Variants in WWOX observed in about 807,000 individuals in gnomAD.
WWOX encodes WW domain-containing oxidoreductase.
Under a neutral mutation model 46.2 loss-of-function variants are expected in WWOX, and 69 were observed. That is an observed-to-expected ratio of 1.49 (90% CI 1.23 to 1.82). WWOX has a LOEUF of 1.82. Among genes scored for constraint, WWOX ranks in the 40% most tolerant of loss-of-function variants. The pLI is 0.00. For missense variants in WWOX, 919 were observed against 542.6 expected (o/e 1.69, Z -6.89); for synonymous variants, 359 against 202.6 (o/e 1.77, Z -6.56).
At chr16:78,398,464 G>A (rs1171975790) in intron 6 of WWOX, among the ~76,000 whole-genome samples, 1 of 152,178 alleles carries the variant, frequency 6.6e-6, no homozygotes, top group African/African-American at 2.4e-5. Flanking sequence ...AAACCAAGCT[G>A]GATTCATGGA....
At chr16:78,959,941 C>T (rs530937254) in intron 8 of WWOX, among the ~76,000 whole-genome samples, 1 of 152,180 alleles carries the variant, frequency 6.6e-6, no homozygotes, top group African/African-American at 2.4e-5. Flanking sequence ...TTCTCATTTG[C>T]AACCAAGGTT....
chr16:78,696,052 C>A (rs958137381), intron 8 of WWOX, among the ~76,000 whole-genome samples: 3 of 152,112 alleles, frequency 2.0e-5, no homozygotes, highest in Non-Finnish European at 4.4e-5. Context: ...CTGTGTTAAG[C>A]TTTCTGGGTG....
chr16:78,745,038 G>A (rs1179983724), intron 8 of WWOX, among the ~76,000 whole-genome samples: 2 of 152,160 alleles, frequency 1.3e-5, no homozygotes, highest in African/African-American at 2.4e-5. Flanking sequence ...GTGTTGGCCA[G>A]TGACGCCTGC....
At chr16:78,761,461 G>A (rs530892344) in intron 8 of WWOX, among the ~76,000 whole-genome samples, 52 of 152,210 alleles carry the variant, frequency 3.4e-4, no homozygotes, top group African/African-American at 8.7e-4. Context: ...CATTGTCACC[G>A]GGGAGAAATT....
chr16:78,756,232 T>A (rs2049643163), intron 8 of WWOX, among the ~76,000 whole-genome samples: 1 of 152,166 alleles, frequency 6.6e-6, no homozygotes, highest in South Asian at 2.1e-4. Context: ...CAGCTGGCCC[T>A]GTTGCTTAAA....
intron 5 of WWOX, among the ~76,000 whole-genome samples, chr16:78,271,885 C>T (rs2079483305): frequency 6.6e-6 from 1 of 152,114 alleles, no homozygotes; most frequent in African/African-American, 2.4e-5. Flanking sequence ...AATTAGTCTG[C>T]CACACCTGTA....
chr16:79,060,147 G>A (rs967870947), intron 8 of WWOX, among the ~76,000 whole-genome samples: 1 of 152,116 alleles, frequency 6.6e-6, no homozygotes, highest in African/African-American at 2.4e-5. Flanking sequence ...CCTATACTTG[G>A]GCAGTGGGGG....
At chr16:78,608,666 A>C (rs771747644) in intron 8 of WWOX, among the ~76,000 whole-genome samples, 1 of 152,148 alleles carries the variant, frequency 6.6e-6, no homozygotes, top group East Asian at 1.9e-4. Context: ...GTTGGCGTCC[A>C]CCCTTGGTTT....
intron 6 of WWOX, among the ~76,000 whole-genome samples, chr16:78,391,746 G>A (rs1175219036): frequency 6.6e-6 from 1 of 152,148 alleles, no homozygotes; most frequent in Non-Finnish European, 1.5e-5. Context: ...TACTCAGGAG[G>A]CTGAGGCATG....
chr16:78,800,387 C>T (rs1457085837), intron 8 of WWOX, among the ~76,000 whole-genome samples: 2 of 152,118 alleles, frequency 1.3e-5, no homozygotes, highest in Non-Finnish European at 2.9e-5. Flanking sequence ...GAGTGACCAG[C>T]TGTCGTTATA....
At chr16:78,745,522 C>CTTTT (rs5818168) in intron 8 of WWOX, among the ~76,000 whole-genome samples, 13 of 92,732 alleles carry the variant, frequency 1.4e-4, no homozygotes, top group African/African-American at 1.9e-4. Flanking sequence ...TGTGGAAATC[C>CTTTT]TTTTTTTTTT....
At chr16:78,540,020 T>TCTCTCTCTCTCTCTCTCACA (rs369075883) in intron 8 of WWOX, among the ~76,000 whole-genome samples, 1 of 132,854 alleles carries the variant, frequency 7.5e-6, no homozygotes, top group African/African-American at 3.0e-5. Flanking sequence ...TCTCTCTCTC[T>TCTCTCTCTCTCTCTCTCACA]CACACACACA....
At position 78,653,203 on chromosome 16, in the gene WWOX, A is replaced by C. The variant is rs535972790; in HGVS notation, c.1056+220451A>C. Among the ~76,000 whole-genome samples, 18 of 152,324 alleles carry C rather than the reference A, an allele frequency of 1.2e-4. No homozygotes were observed. In the South Asian group the frequency reaches 3.7e-3, roughly 32 times the overall value. ...CATGTCATTAAACATTGCTTGAAAA[A>C]ACATACTAGTAATTTCCTAAGATTA... is the stretch of plus-strand genomic sequence containing the variant. On this transcript the variant is annotated intron_variant, in intron 8 of 8. Coordinates refer to ENST00000566780, the MANE Select transcript of WWOX (RefSeq NM_016373.4).
chr16:79,168,276 C>G (rs1042450494), intron 8 of WWOX, among the ~76,000 whole-genome samples: 1 of 152,132 alleles, frequency 6.6e-6, no homozygotes, highest in Admixed American at 6.5e-5. Context: ...TATGATCAGT[C>G]TAGGTTTAAC....
chr16:79,011,126 C>G (rs1371557972), intron 8 of WWOX, among the ~76,000 whole-genome samples: 1 of 132,450 alleles, frequency 7.6e-6, no homozygotes, highest in African/African-American at 3.1e-5. Context: ...TATCTACTCA[C>G]TCACACATCC....
At chr16:78,980,274 A>G (rs952915553) in intron 8 of WWOX, among the ~76,000 whole-genome samples, 3 of 152,162 alleles carry the variant, frequency 2.0e-5, no homozygotes, top group African/African-American at 7.2e-5. Context: ...CATTTGACAG[A>G]TGGAAAAACT....
At chr16:78,110,159 G>A (rs574108457) in intron 3 of WWOX, among the ~76,000 whole-genome samples, 8 of 151,852 alleles carry the variant, frequency 5.3e-5, no homozygotes, top group Non-Finnish European at 8.8e-5. Flanking sequence ...GGCCAACATG[G>A]TGAAACTCCG....
intron 8 of WWOX, among the ~76,000 whole-genome samples, chr16:79,039,234 G>A (rs76689280): frequency 0.014 from 2,192 of 152,180 alleles, 64 homozygotes; most frequent in African/African-American, 0.051. Context: ...GCAGAATACC[G>A]ATCTGACTTT....
At chr16:78,948,164 C>T (rs890686748) in intron 8 of WWOX, among the ~76,000 whole-genome samples, 3 of 152,196 alleles carry the variant, frequency 2.0e-5, no homozygotes, top group Non-Finnish European at 2.9e-5. Flanking sequence ...CAGGTAACAC[C>T]TGCCTCCGTG....
Sources: allele counts gnomAD v4.1 joint callset (sites outside exome capture counted in the v4.1 genomes callset), GRCh38; gene constraint gnomAD v4.1.1; transcripts MANE v1.5; gene names NCBI Gene and HGNC (gene_info 2026-07-23, HGNC 2026-07-21).